LRRC8B: variants seen among roughly 807,000 people sequenced by gnomAD.
LRRC8B encodes volume-regulated anion channel subunit LRRC8B.
A neutral mutation model predicts 58.8 loss-of-function variants in LRRC8B; 23 were observed. That is an observed-to-expected ratio of 0.39 (90% CI 0.28 to 0.55). LRRC8B has a LOEUF of 0.55. Ranked by LOEUF, LRRC8B falls within the 20% of genes least tolerant of loss-of-function variation. The probability of loss-of-function intolerance (pLI) is 0.62; values close to 1 mark genes in which losing one functional copy is unlikely to be tolerated. For synonymous variants in LRRC8B, 359 were observed against 374.1 expected, an observed-to-expected ratio of 0.96 and a Z score of 0.47; for missense variants, 694 against 936.0, an observed-to-expected ratio of 0.74 and a Z score of 3.37.
At chr1:89,555,039 T>C (rs916918339) in intron 1 of LRRC8B, among the ~76,000 whole-genome samples, 5 of 152,264 alleles carry the variant, frequency 3.3e-5, no homozygotes, top group South Asian at 2.1e-4. Context: ...TGGAAAACCA[T>C]TGAAACTCTG....
Position 89,596,456 on chromosome 1 carries a change from G to T in LRRC8B, c.*3413G>T, listed in dbSNP as rs1278690594. On this transcript the variant is annotated 3_prime_UTR_variant, in exon 6 of 6. Coordinates refer to ENST00000330947, the MANE Select transcript of LRRC8B (RefSeq NM_001369817.2). Reference sequence around the variant, plus strand: ...TGCAGTGATGTATTTGCATAACATTGTTTGATAGTGAAAAATTTTTTTTCG... The same window carrying T: ...TGCAGTGATGTATTTGCATAACATTTTTTGATAGTGAAAAATTTTTTTTCG... 1 of 152,024 alleles carries T rather than the reference G, an allele frequency of 6.6e-6. No individual in the cohort carries two copies. The highest frequency in any genetic ancestry group is 1.9e-4 in the East Asian group (1 of 5,198). The allele number at this position is 152,024 out of a possible 1,614,324, so 9.4% of individuals were successfully genotyped here.
At position 89,584,303 on chromosome 1, in the gene LRRC8B, G is replaced by T; in HGVS notation, c.1653G>T (p.Arg551=). Residue 551 remains arginine (R), a synonymous_variant, in exon 5 of 6, where the codon CGG becomes CGT. Coordinates refer to ENST00000330947, the MANE Select transcript of LRRC8B (RefSeq NM_001369817.2). ...RTLYLKSSLS[R]IPQVVTDLLP... ...TGTACTTGAAGAGCAGCCTCTCCCG[G>T]ATCCCACAAGTTGTTACAGACCTCC... 6.2e-7 allele frequency: 1 copy of T among 1,614,066 alleles called. No individual in the cohort carries two copies. The highest frequency in any genetic ancestry group is 1.1e-5 in the South Asian group (1 of 91,082).
chr1:89,536,382 T>A (rs904105242), intron 1 of LRRC8B, among the ~76,000 whole-genome samples: 1 of 152,128 alleles, frequency 6.6e-6, no homozygotes, highest in East Asian at 1.9e-4. Context: ...TTTAGAAAAA[T>A]CTCTAAGGAT....
chr1:89,569,991 A>C (rs964785809), intron 3 of LRRC8B, among the ~76,000 whole-genome samples: 1 of 152,112 alleles, frequency 6.6e-6, no homozygotes, highest in South Asian at 2.1e-4. Flanking sequence ...CTGTTCCTGC[A>C]TTAGTTTGCT....
At chr1:89,548,377 T>C (rs1651562554) in intron 1 of LRRC8B, among the ~76,000 whole-genome samples, 1 of 152,200 alleles carries the variant, frequency 6.6e-6, no homozygotes, top group Non-Finnish European at 1.5e-5. Context: ...ATTTATGTTG[T>C]GTAATGAATG....
At position 89,567,738 on chromosome 1, in the gene LRRC8B, T is replaced by C. The variant is rs1177795296; in HGVS notation, c.-240-509T>C. On this transcript the variant is annotated intron_variant, in intron 1 of 5. Transcript: ENST00000330947. ...CTAATTCCTTCATTTTTGAAGTATATGCAAAAAAAACATATGAAGAGTACT... is the reference window on the plus strand; with the variant it reads ...CTAATTCCTTCATTTTTGAAGTATACGCAAAAAAAACATATGAAGAGTACT... Among the ~76,000 whole-genome samples the C allele has an allele frequency of 2.6e-5, 4 of 151,936 alleles. No homozygotes were observed. The East Asian group carries it at 7.7e-4, about 29-fold the overall frequency.
rs140158391 is a variant in LRRC8B at position 89,584,018 on chromosome 1, C to T, written c.1368C>T (p.Pro456=). 60 of 1,614,052 alleles carry T rather than the reference C, an allele frequency of 3.7e-5. No individual in the cohort carries two copies. In the African/African-American group the frequency reaches 7.6e-4, roughly 20 times the overall value. Residue 456 remains proline (P), a synonymous_variant, in exon 5 of 6, where the codon CCC becomes CCT. Transcript: ENST00000330947. The part of the protein sequence containing the change: ...SLELIPEVKL[P]SAVSQLVNLK... ...AGCTTATCCCAGAGGTGAAGCTGCC[C>T]TCTGCAGTCTCACAGCTGGTCAACC...
chr1:89,586,194 C>T (rs1277777469), intron 5 of LRRC8B, among the ~76,000 whole-genome samples: 2 of 152,330 alleles, frequency 1.3e-5, no homozygotes, highest in East Asian at 3.9e-4. Flanking sequence ...CCCAGGGTTT[C>T]CGATTCAGTA....
chr1:89,591,707 GC>G (rs907235881), intron 5 of LRRC8B, among the ~76,000 whole-genome samples: 1 of 152,102 alleles, frequency 6.6e-6, no homozygotes, highest in African/African-American at 2.4e-5. Flanking sequence ...GTTCTGGATG[GC>G]CCTAGAAACT....
At position 89,584,821 on chromosome 1, in the gene LRRC8B, A is replaced by T. The variant is rs760964861; in HGVS notation, c.2139+32A>T. 2.1e-6 allele frequency: 3 copies of T among 1,439,722 alleles called. No homozygotes were observed. In the African/African-American group the frequency reaches 4.2e-5, roughly 20 times the overall value. 89.2% of individuals were successfully genotyped at this position (1,439,722 alleles called of 1,614,324 possible). On this transcript the variant is annotated intron_variant, in intron 5 of 5. Coordinates refer to ENST00000330947, the MANE Select transcript of LRRC8B (RefSeq NM_001369817.2). ...AAATCCATTCTTTCTTTTATTCAGT[A>T]TCTGCCGTACTTATAGTGCATTACA...
intron 1 of LRRC8B, among the ~76,000 whole-genome samples, chr1:89,531,200 T>G (rs1302184189): frequency 1.3e-5 from 2 of 152,228 alleles, no homozygotes; most frequent in African/African-American, 4.8e-5. Flanking sequence ...AGCAATGACT[T>G]GTCTTTCAGA....
Position 89,592,941 on chromosome 1 carries a change from T to A in LRRC8B, c.2310T>A (p.Cys770Ter). Residue 770 changes from cysteine to a stop codon, truncating the protein, a stop_gained, in exon 6 of 6, where the codon TGT (cysteine) becomes TGA (stop). Transcript: ENST00000330947. LOFTEE classifies it high-confidence loss of function. ...LETLPPELEG[C>*]QSLKRNCLIV... ...CACTTCCTCCTGAACTAGAAGGATG[T>A]CAGTCCCTAAAACGGAACTGTCTGA... 6.2e-7 allele frequency: 1 copy of A among 1,614,206 alleles called. No individual in the cohort carries two copies.
intron 1 of LRRC8B, among the ~76,000 whole-genome samples, chr1:89,525,439 A>C (rs1041999706): frequency 6.6e-6 from 1 of 152,158 alleles, no homozygotes; most frequent in African/African-American, 2.4e-5. Flanking sequence ...AACTCCCCTG[A>C]GGGTGCCCCC....
chr1:89,542,064 C>G (rs1651039074), intron 1 of LRRC8B, among the ~76,000 whole-genome samples: 1 of 152,146 alleles, frequency 6.6e-6, no homozygotes, highest in African/African-American at 2.4e-5. Context: ...GCATTTGAAA[C>G]TTGAACACAA....
intron 1 of LRRC8B, chr1:89,558,583 A>G (rs763191973): frequency 6.6e-6 from 1 of 152,258 alleles, no homozygotes; most frequent in Non-Finnish European, 1.5e-5. Context: ...TTAAGAGACC[A>G]TTGGATTTGA....
chr1:89,582,861 G>A lies in LRRC8B; in HGVS notation c.211G>A (p.Asp71Asn). Residue 71 changes from aspartate (D) to asparagine (N), a missense_variant, in exon 5 of 6, where the codon GAC becomes AAC. Coordinates refer to ENST00000330947, the MANE Select transcript of LRRC8B (RefSeq NM_001369817.2). ...EFDNHCAVPW[D>N]ILKASMNTSS... The stretch of plus-strand genomic sequence containing the variant: ...TGACAATCACTGTGCCGTGCCTTGG[G>A]ACATCCTGAAAGCCAGCATGAACAC... 1 of 1,614,098 alleles carries A rather than the reference G, an allele frequency of 6.2e-7. No individual in the cohort carries two copies. The highest frequency in any genetic ancestry group is 1.3e-5 in the African/African-American group (1 of 74,992).
intron 5 of LRRC8B, among the ~76,000 whole-genome samples, chr1:89,587,185 G>A (rs1654682900): frequency 6.6e-6 from 1 of 152,146 alleles, no homozygotes; most frequent in African/African-American, 2.4e-5. Flanking sequence ...GACAGGGACT[G>A]CCAGATACTC....
chr1:89,591,479 T>TA (rs1390878976), intron 5 of LRRC8B, among the ~76,000 whole-genome samples: 2 of 152,232 alleles, frequency 1.3e-5, no homozygotes, highest in Non-Finnish European at 2.9e-5. Flanking sequence ...TCCCTTTGTT[T>TA]ATATCTAATA....
At position 89,582,741 on chromosome 1, in the gene LRRC8B, A is replaced by G; in HGVS notation, c.91A>G (p.Ile31Val). 5 of 1,614,188 alleles carry G rather than the reference A, an allele frequency of 3.1e-6. No individual in the cohort carries two copies. The highest frequency in any genetic ancestry group is 4.2e-6 in the Non-Finnish European group (5 of 1,180,022). The change falls in exon 5 of 6, where the codon ATC (isoleucine) becomes GTC (valine). Residue 31 changes from isoleucine (I) to valine (V), a missense_variant. By Grantham distance (29) the Ile-to-Val change is conservative (BLOSUM62 3). Transcript: ENST00000330947. ...KPWWDVFWYY[I>V]TLIMLLVAVL... The stretch of plus-strand genomic sequence containing the variant: ...ATGGTGGGACGTCTTCTGGTATTAC[A>G]TCACACTGATCATGCTGCTGGTGGC...
Sources: gnomAD v4.1 joint callset for allele counts (sites outside exome capture counted in the v4.1 genomes callset) on GRCh38, gnomAD v4.1.1 for gene constraint, MANE v1.5 for transcripts, NCBI Gene and HGNC (gene_info 2026-07-23, HGNC 2026-07-21) for gene names.